The following GRIK1 variants were observed in gnomAD, a reference collection of about 807,000 sequenced individuals.
GRIK1 encodes the protein glutamate ionotropic receptor kainate type subunit 1.
A neutral mutation model predicts 105.7 loss-of-function variants in GRIK1; 69 were observed. That is an observed-to-expected ratio of 0.65 (90% CI 0.54 to 0.80). The LOEUF (loss-of-function observed/expected upper bound fraction) is 0.80. Ranked by LOEUF, GRIK1 falls within the 30% of genes least tolerant of loss-of-function variation. The probability of loss-of-function intolerance (pLI) is 0.00; values close to 1 mark genes in which losing one functional copy is unlikely to be tolerated. For missense variants in GRIK1, 1,109 were observed against 1,167.3 expected (o/e 0.95, Z 0.73); for synonymous variants, 438 against 431.3 (o/e 1.02, Z -0.19).
chr21:29,652,831 A>C (rs2146565102), intron 5 of GRIK1, among the ~76,000 whole-genome samples: 1 of 152,374 alleles, frequency 6.6e-6, no homozygotes, highest in East Asian at 1.9e-4. Context: ...CAGGTACTGA[A>C]AAGCAGCAGC....
intron 9 of GRIK1, among the ~76,000 whole-genome samples, chr21:29,594,009 AT>A (rs994004488): frequency 2.0e-5 from 3 of 152,160 alleles, no homozygotes; most frequent in African/African-American, 2.4e-5. Context: ...AAGGGTGACC[AT>A]TTTTTCCCCT....
chr21:29,632,851 C>A (rs956039335), intron 7 of GRIK1, among the ~76,000 whole-genome samples: 1 of 152,174 alleles, frequency 6.6e-6, no homozygotes, highest in Non-Finnish European at 1.5e-5. Context: ...CACTCCCTTG[C>A]AACATTTCTT....
chr21:29,605,020 C>T (rs2061585408), intron 7 of GRIK1, among the ~76,000 whole-genome samples: 1 of 151,976 alleles, frequency 6.6e-6, no homozygotes, highest in South Asian at 2.1e-4. Flanking sequence ...AAAATGATTT[C>T]TTTTACTTAT....
chr21:29,758,505 A>G (rs1260197436), intron 1 of GRIK1, among the ~76,000 whole-genome samples: 1 of 152,132 alleles, frequency 6.6e-6, no homozygotes, highest in Non-Finnish European at 1.5e-5. Context: ...AATTACCTCC[A>G]TTGGGTCCCT....
intron 1 of GRIK1, among the ~76,000 whole-genome samples, chr21:29,901,107 C>G (rs969772745): frequency 6.6e-6 from 1 of 152,182 alleles, no homozygotes; most frequent in Admixed American, 6.5e-5. Flanking sequence ...AAAGACACAA[C>G]GTACCAGAAT....
chr21:29,582,570 A>G (rs572165754), intron 12 of GRIK1, among the ~76,000 whole-genome samples: 1 of 152,112 alleles, frequency 6.6e-6, no homozygotes, highest in South Asian at 2.1e-4. Context: ...GTGGAACCAA[A>G]TATATTTTTT....
intron 1 of GRIK1, among the ~76,000 whole-genome samples, chr21:29,710,789 C>CTCCTTCCTTCCT (rs537652425): frequency 3.0e-5 from 2 of 67,230 alleles, no homozygotes; most frequent in African/African-American, 5.8e-5. Flanking sequence ...CCCTCCCTCC[C>CTCCTTCCTTCCT]TCCTTCCTTC....
At chr21:29,561,206 G>A (rs1192359784) in intron 15 of GRIK1, among the ~76,000 whole-genome samples, 1 of 151,960 alleles carries the variant, frequency 6.6e-6, no homozygotes, top group African/African-American at 2.4e-5. Flanking sequence ...CTATCATTAT[G>A]GAACACTAGC....
chr21:29,886,780 A>G (rs1195561280), intron 1 of GRIK1, among the ~76,000 whole-genome samples: 1 of 152,214 alleles, frequency 6.6e-6, no homozygotes, highest in Non-Finnish European at 1.5e-5. Flanking sequence ...ATCGGAGTGC[A>G]TCCGTAAACA....
chr21:29,555,110 A>G lies in GRIK1; in HGVS notation c.2549T>C (p.Val850Ala). The change falls in exon 16 of 18, where the codon GTA becomes GCA. Residue 850 changes from valine (V) to alanine (A), a missense_variant. By Grantham distance (64) the Val-to-Ala change is moderately conservative. Around this residue, in one of 5 missense-constraint regions of GRIK1, gnomAD observed 161 missense variants for 143.4 expected, o/e 1.12. Transcript: ENST00000327783. ...TATGAATTCTCCAATAGCTACAAAT[A>G]CAGAAAGGACCAGTCCGGCAGCCAG... is the stretch of plus-strand genomic sequence containing the variant. ...IVLAAGLVLS[V>A]FVAIGEFIYK... 11 of 1,612,104 alleles carry G rather than the reference A, an allele frequency of 6.8e-6. No homozygotes were observed. The highest frequency in any genetic ancestry group is 9.3e-6 in the Non-Finnish European group (11 of 1,178,118).
intron 1 of GRIK1, among the ~76,000 whole-genome samples, chr21:29,854,447 AGATG>A (rs2068400765): frequency 6.6e-6 from 1 of 152,120 alleles, no homozygotes; most frequent in Non-Finnish European, 1.5e-5. Flanking sequence ...AACACTTGGC[AGATG>A]AGCTTTCCAG....
intron 2 of GRIK1, among the ~76,000 whole-genome samples, chr21:29,693,214 A>T (rs2063619539): frequency 6.6e-6 from 1 of 152,176 alleles, no homozygotes; most frequent in Non-Finnish European, 1.5e-5. Flanking sequence ...CAACTATGTG[A>T]TCTTACTTCA....
At chr21:29,828,446 C>G (rs2067536468) in intron 1 of GRIK1, among the ~76,000 whole-genome samples, 1 of 105,974 alleles carries the variant, frequency 9.4e-6, no homozygotes, top group African/African-American at 3.4e-5. Context: ...TTATTTGACA[C>G]TATAAAATGC....
intron 1 of GRIK1, among the ~76,000 whole-genome samples, chr21:29,876,575 A>G (rs192943598): frequency 6.6e-6 from 1 of 152,240 alleles, no homozygotes; most frequent in African/African-American, 2.4e-5. Flanking sequence ...TGTTGCTGCT[A>G]TTCACATTGC....
chr21:29,721,306 G>C (rs1474805352), intron 1 of GRIK1, among the ~76,000 whole-genome samples: 2 of 152,142 alleles, frequency 1.3e-5, no homozygotes, highest in Admixed American at 1.3e-4. Context: ...TAACTTTACA[G>C]ACATTTATTA....
chr21:29,832,355 C>G (rs564214013), intron 1 of GRIK1, among the ~76,000 whole-genome samples: 19 of 152,284 alleles, frequency 1.2e-4, no homozygotes, highest in Admixed American at 1.2e-3. Flanking sequence ...CTGGTGGGGA[C>G]TCTGTGTATG....
intron 1 of GRIK1, among the ~76,000 whole-genome samples, chr21:29,866,656 A>G (rs1325531228): frequency 1.3e-5 from 2 of 152,234 alleles, no homozygotes; most frequent in African/African-American, 2.4e-5. Context: ...GACACTTCTG[A>G]TGAACTGAGC....
intron 16 of GRIK1, among the ~76,000 whole-genome samples, chr21:29,546,985 T>TA (rs1312954042): frequency 6.6e-6 from 1 of 152,228 alleles, no homozygotes. Context: ...AAACACTAAG[T>TA]TACACTTACA....
intron 7 of GRIK1, among the ~76,000 whole-genome samples, chr21:29,635,621 A>G (rs1446082565): frequency 6.6e-6 from 1 of 152,212 alleles, no homozygotes; most frequent in Non-Finnish European, 1.5e-5. Flanking sequence ...TGCTAACCAG[A>G]GTTGACCAAT....
Sources: gnomAD v4.1 joint callset for allele counts (sites outside exome capture counted in the v4.1 genomes callset) on GRCh38, gnomAD v4.1.1 for gene constraint, gnomAD v4.1.1 regional missense constraint, MANE v1.5 for transcripts, NCBI Gene and HGNC (gene_info 2026-07-23, HGNC 2026-07-21) for gene names.